GPC5: variants seen among roughly 807,000 people sequenced by gnomAD.
The protein encoded by GPC5 is glypican 5, also known as glypican-5.
A neutral mutation model predicts 53.9 loss-of-function variants in GPC5; 47 were observed. That is an observed-to-expected ratio of 0.87 (90% CI 0.69 to 1.11). The LOEUF (loss-of-function observed/expected upper bound fraction) is 1.11. Ranked by LOEUF, GPC5 falls within the 50% of genes most tolerant of loss-of-function variation. The probability of loss-of-function intolerance (pLI) is 0.00; values close to 1 mark genes in which losing one functional copy is unlikely to be tolerated. For missense variants in GPC5, 748 were observed against 713.1 expected, an observed-to-expected ratio of 1.05 and a Z score of -0.56; for synonymous variants, 286 against 263.3, an observed-to-expected ratio of 1.09 and a Z score of -0.84.
intron 7 of GPC5, among the ~76,000 whole-genome samples, chr13:92,350,358 A>T (rs1224416734): frequency 6.6e-6 from 1 of 152,196 alleles, no homozygotes; most frequent in Non-Finnish European, 1.5e-5. Flanking sequence ...ACTCCTATTC[A>T]ACATAGTATT....
intron 7 of GPC5, among the ~76,000 whole-genome samples, chr13:92,472,840 G>A (rs1307459821): frequency 6.6e-6 from 1 of 152,020 alleles, no homozygotes; most frequent in Non-Finnish European, 1.5e-5. Flanking sequence ...CAATATAATT[G>A]TGACTCTGAA....
intron 7 of GPC5, among the ~76,000 whole-genome samples, chr13:92,459,738 C>G (rs1227357179): frequency 6.6e-6 from 1 of 152,110 alleles, no homozygotes; most frequent in Non-Finnish European, 1.5e-5. Flanking sequence ...TACATCTTAT[C>G]TCATTACTTT....
chr13:92,176,463 A>G (rs2042109805), intron 7 of GPC5, among the ~76,000 whole-genome samples: 1 of 152,190 alleles, frequency 6.6e-6, no homozygotes, highest in African/African-American at 2.4e-5. Flanking sequence ...ACACTAAGTT[A>G]GATAAGGTTC....
In GPC5 at chr13:91,659,971, A is replaced by AT. The variant is rs1391220374; in HGVS notation, c.326-33215dup. 2.0e-5 allele frequency among the ~76,000 whole-genome samples: 3 copies of AT among 152,210 alleles called. No homozygotes were observed. The East Asian group carries it at 5.8e-4, about 29-fold the overall frequency. On this transcript the variant is annotated intron_variant, in intron 2 of 7. Coordinates refer to ENST00000377067, the MANE Select transcript of GPC5 (RefSeq NM_004466.6). ...CATCATTGCTTGAGTTTGGCAGAGA[A>AT]TCAAAGGCAGGCAGAGGAATAGAGA...
chr13:91,756,146 A>T, intron 4 of GPC5, 149 bp from the exon 5 acceptor site: 1 of 449,790 alleles, frequency 2.2e-6, no homozygotes, highest in Non-Finnish European at 3.5e-6. Context: ...GAGAACAAAT[A>T]GAGAAAATGT....
chr13:92,827,298 T>A (rs1026426519), intron 7 of GPC5, among the ~76,000 whole-genome samples: 5 of 152,180 alleles, frequency 3.3e-5, no homozygotes, highest in African/African-American at 4.8e-5. Flanking sequence ...ACGATTTTTT[T>A]AAAAGTATAT....
At chr13:92,510,449 A>T (rs924998961) in intron 7 of GPC5, among the ~76,000 whole-genome samples, 2 of 152,226 alleles carry the variant, frequency 1.3e-5, no homozygotes, top group African/African-American at 4.8e-5. Context: ...TCTTAGAAGC[A>T]TGCTTTCTGT....
At position 92,708,027 on chromosome 13, in the gene GPC5, G is replaced by C. The variant is rs146941810; in HGVS notation, c.1562-158255G>C. Among the ~76,000 whole-genome samples, 42 of 152,256 alleles carry C rather than the reference G, an allele frequency of 2.8e-4. 3 individuals are homozygous for C. The highest frequency in any genetic ancestry group is 9.1e-4 in the African/African-American group (38 of 41,556). On this transcript the variant is annotated intron_variant, in intron 7 of 7. Transcript: ENST00000377067. The stretch of plus-strand genomic sequence containing the variant: ...AAGTTTGTGAGCAAGGTAAGGAATA[G>C]AGCATTTCCAAAGATGGAATGAAGG...
intron 7 of GPC5, among the ~76,000 whole-genome samples, chr13:92,253,036 G>A (rs1358904074): frequency 6.6e-6 from 1 of 152,140 alleles, no homozygotes. Context: ...AGAGTGCAAA[G>A]TGATTTCTTT....
chr13:91,589,353 C>T (rs924935461), intron 2 of GPC5, among the ~76,000 whole-genome samples: 1 of 152,026 alleles, frequency 6.6e-6, no homozygotes, highest in African/African-American at 2.4e-5. Flanking sequence ...TTCTCTCTCT[C>T]TCTCCCCACC....
At chr13:92,660,863 G>A (rs1016550471) in intron 7 of GPC5, among the ~76,000 whole-genome samples, 8 of 151,838 alleles carry the variant, frequency 5.3e-5, no homozygotes, top group Admixed American at 4.6e-4. Flanking sequence ...CTGGAAACAT[G>A]GCTAATGGAA....
chr13:91,892,380 A>G (rs2039396056), intron 5 of GPC5, among the ~76,000 whole-genome samples: 1 of 151,628 alleles, frequency 6.6e-6, no homozygotes, highest in Non-Finnish European at 1.5e-5. Flanking sequence ...TATTTTTCCA[A>G]ATTTTTATTT....
intron 7 of GPC5, among the ~76,000 whole-genome samples, chr13:92,157,747 CTT>C (rs1566460818): frequency 6.6e-6 from 1 of 152,094 alleles, no homozygotes; most frequent in Non-Finnish European, 1.5e-5. Context: ...TGTGTTTCCT[CTT>C]TTGTGAATTT....
intron 6 of GPC5, among the ~76,000 whole-genome samples, chr13:92,054,083 T>G (rs2041054122): frequency 7.1e-6 from 1 of 140,078 alleles, no homozygotes; most frequent in Non-Finnish European, 1.6e-5. Context: ...AAGATTTCAC[T>G]TATAGAGGCA....
intron 7 of GPC5, among the ~76,000 whole-genome samples, chr13:92,353,301 G>A (rs1304285296): frequency 6.0e-5 from 9 of 150,520 alleles, no homozygotes; most frequent in Non-Finnish European, 1.3e-4. Context: ...TGTATCAGTG[G>A]GAGACTTGAT....
intron 7 of GPC5, among the ~76,000 whole-genome samples, chr13:92,538,531 T>G (rs1360458191): frequency 6.7e-6 from 1 of 148,620 alleles, no homozygotes; most frequent in Non-Finnish European, 1.5e-5. Flanking sequence ...GTTACATAGG[T>G]ATACATGTGC....
intron 2 of GPC5, among the ~76,000 whole-genome samples, chr13:91,669,082 C>T (rs369537272): frequency 3.0e-4 from 45 of 152,052 alleles, no homozygotes; most frequent in African/African-American, 1.0e-3. Context: ...TTAGGAAACT[C>T]GACAGCTGTG....
At position 91,471,531 on chromosome 13, in the gene GPC5, A is replaced by G. The variant is rs562914347; in HGVS notation, c.325+22609A>G. Among the ~76,000 whole-genome samples, 245 of 152,236 alleles carry G rather than the reference A, an allele frequency of 1.6e-3. 9 individuals are homozygous for G. The South Asian group carries it at 0.049, about 30-fold the overall frequency. On this transcript the variant is annotated intron_variant, in intron 2 of 7. Coordinates refer to ENST00000377067, the MANE Select transcript of GPC5 (RefSeq NM_004466.6). ...CTAGAAGTTAGAGAGGTGCTGTCAG[A>G]TGGTAATAGCATGGTATTTCATTTT...
intron 7 of GPC5, among the ~76,000 whole-genome samples, chr13:92,286,534 A>G (rs2042956078): frequency 6.6e-6 from 1 of 152,124 alleles, no homozygotes; most frequent in Non-Finnish European, 1.5e-5. Context: ...GCACATATAC[A>G]CCATGGAATA....
Sources: allele counts gnomAD v4.1 joint callset (sites outside exome capture counted in the v4.1 genomes callset), GRCh38; gene constraint gnomAD v4.1.1; transcripts MANE v1.5; gene names NCBI Gene and HGNC (gene_info 2026-07-23, HGNC 2026-07-21).